The following PROC variants were observed in gnomAD, a reference collection of about 807,000 sequenced individuals.
The protein encoded by PROC is vitamin K-dependent protein C.
A neutral mutation model predicts 36.3 loss-of-function variants in PROC; 22 were observed. The observed-to-expected ratio is 0.61, with a 90% confidence interval of 0.43 to 0.86. The LOEUF (loss-of-function observed/expected upper bound fraction) is 0.86. Among genes scored for constraint, PROC ranks in the 40% least tolerant of loss-of-function variants. The probability of loss-of-function intolerance (pLI) is 0.00; values close to 1 mark genes in which losing one functional copy is unlikely to be tolerated. For synonymous variants in PROC, 218 were observed against 244.5 expected, an observed-to-expected ratio of 0.89 and a Z score of 1.01; for missense variants, 526 against 629.7, an observed-to-expected ratio of 0.84 and a Z score of 1.76.
Position 127,428,497 on chromosome 2 carries a change from C to T in PROC, c.937C>T (p.Gln313Ter). 6.2e-7 allele frequency: 1 copy of T among 1,614,148 alleles called. No individual in the cohort carries two copies. Among genetic ancestry groups the T allele is most frequent in the Non-Finnish European group, 8.5e-7 (1 of 1,180,048 alleles). ...CCTGGCCCAGCCCGCCACCCTCTCG[C>T]AGACCATAGTGCCCATCTGCCTCCC... Reference protein sequence around the residue: ...LHLAQPATLSQTIVPICLPDS... With the variant: ...LHLAQPATLS The change falls in exon 9 of 9, where the codon CAG becomes TAG. Residue 313 changes from glutamine to a stop codon, truncating the protein, a stop_gained. Transcript: ENST00000234071. LOFTEE classifies it low-confidence loss of function (END_TRUNC).
chr2:127,418,581 C>A lies in PROC; in HGVS notation c.-22+89C>A. The A allele has an allele frequency of 1.7e-6, 2 of 1,158,600 alleles. No homozygotes were observed. The highest frequency in any genetic ancestry group is 2.6e-5 in the South Asian group (2 of 78,190). 71.8% of individuals were successfully genotyped at this position (1,158,600 alleles called of 1,614,324 possible). A position where few individuals can be genotyped will look rare whatever the true frequency, so the allele number is the denominator to read the frequency against. ...AGCTAGGTGGTGATGAGGGCTGAAT[C>A]CTCCAGCCAGGGTGCTCAACAAGCC... On this transcript the variant is annotated intron_variant, in intron 1 of 8. Coordinates refer to ENST00000234071, the MANE Select transcript of PROC (RefSeq NM_000312.4). The surrounding 1 kb of genome is among the most constrained non-coding windows in gnomAD (Gnocchi z 4.8).
In PROC at chr2:127,423,341, C is replaced by G. The variant is rs201105510; in HGVS notation, c.468C>G (p.Gly156=). The stretch of plus-strand genomic sequence containing the variant: ...CGCATTACTGCCTAGAGGAGGTGGG[C>G]TGGCGGCGCTGTAGCTGTGCGCCTG... The part of the protein sequence containing the change: ...GCTHYCLEEV[G]WRRCSCAPGY... Residue 156 remains glycine, a synonymous_variant, in exon 6 of 9, where the codon GGC becomes GGG. Transcript: ENST00000234071. 1.1e-5 allele frequency: 17 copies of G among 1,550,316 alleles called. No individual in the cohort carries two copies. The African/African-American group carries it at 1.8e-4, about 16-fold the overall frequency.
Position 127,422,946 on chromosome 2 carries a change from G to A in PROC, c.262+5G>A, listed in dbSNP as rs543240365. ...CCTTCTGGTCCAAGCACGTCGGTGA[G>A]TGCGTTCTAGATCCCCGGCTGGACT... On this transcript the variant is annotated splice_donor_5th_base_variant and intron_variant, in intron 4 of 8. Coordinates refer to ENST00000234071, the MANE Select transcript of PROC (RefSeq NM_000312.4). The A allele has an allele frequency of 1.3e-6, 2 of 1,598,688 alleles. No individual in the cohort carries two copies. Among genetic ancestry groups the A allele is most frequent in the East Asian group, 2.3e-5 (1 of 43,638 alleles).
chr2:127,426,827 G>A lies in PROC; in HGVS notation c.679-278G>A, dbSNP rs1376416267. Among the ~76,000 whole-genome samples the A allele has an allele frequency of 3.9e-5, 6 of 152,214 alleles. No homozygotes were observed. In the East Asian group the frequency reaches 1.2e-3, roughly 29 times the overall value. On this transcript the variant is annotated intron_variant, in intron 7 of 8. Coordinates refer to ENST00000234071, the MANE Select transcript of PROC (RefSeq NM_000312.4). The surrounding 1 kb of genome is among the most constrained non-coding windows in gnomAD (Gnocchi z 7.0). Reference sequence around the variant, plus strand: ...CCTGGAAGACACAAGGCCTGGCCAAGCCTCTAAGGATGAGAGGAGCTCGCT... The same window carrying A: ...CCTGGAAGACACAAGGCCTGGCCAAACCTCTAAGGATGAGAGGAGCTCGCT...
chr2:127,425,019 C>T (rs771045435), intron 6 of PROC, among the ~76,000 whole-genome samples: 26 of 152,220 alleles, frequency 1.7e-4, no homozygotes, highest in East Asian at 1.9e-4. Context: ...CTTCCTGAAG[C>T]GGGGCCTGAA....
Position 127,426,958 on chromosome 2 carries a change from T to C in PROC, c.679-147T>C. On this transcript the variant is annotated intron_variant, in intron 7 of 8. Transcript: ENST00000234071. The surrounding 1 kb of genome is among the most constrained non-coding windows in gnomAD (Gnocchi z 7.0). ...CCTGGGACAGGCTGACACTGTAAAA[T>C]GGGCAAAAATAGAAAACGCCAGAAA... 7 of 766,208 alleles carry C rather than the reference T, an allele frequency of 9.1e-6. No homozygotes were observed. In the East Asian group the frequency reaches 9.9e-5, roughly 11 times the overall value. 47.5% of individuals were successfully genotyped at this position (766,208 alleles called of 1,614,324 possible). A position where few individuals can be genotyped will look rare whatever the true frequency, so the allele number is the denominator to read the frequency against.
intron 6 of PROC, among the ~76,000 whole-genome samples, chr2:127,424,985 T>A (rs1688389966): frequency 6.6e-6 from 1 of 152,208 alleles, no homozygotes. Flanking sequence ...CATGACTCCC[T>A]GTGGTCAGCT....
chr2:127,421,061 C>T (rs1688062126), intron 2 of PROC, among the ~76,000 whole-genome samples: 1 of 152,184 alleles, frequency 6.6e-6, no homozygotes, highest in Non-Finnish European at 1.5e-5. Flanking sequence ...GCCTGTCCAT[C>T]TCAGAGCAAG....
rs1558718572 is a variant in PROC, at chr2:127,428,802, G to A, written c.1242G>A (p.Trp414Ter). The A allele has an allele frequency of 6.2e-7, 1 of 1,612,322 alleles. No individual in the cohort carries two copies. The highest frequency in any genetic ancestry group is 8.5e-7 in the Non-Finnish European group (1 of 1,179,084). Reference sequence around the variant, plus strand: ...TGGTCGCCTCCTTCCACGGCACCTGGTTCCTGGTGGGCCTGGTGAGCTGGG... The same window carrying A: ...TGGTCGCCTCCTTCCACGGCACCTGATTCCTGGTGGGCCTGGTGAGCTGGG... ...GPMVASFHGT[W>*]FLVGLVSWGE... Residue 414 changes from tryptophan (W) to a stop codon, truncating the protein, a stop_gained, in exon 9 of 9, where the codon TGG (tryptophan) becomes TGA (stop). Coordinates refer to ENST00000234071, the MANE Select transcript of PROC (RefSeq NM_000312.4). LOFTEE classifies it low-confidence loss of function (END_TRUNC).
At chr2:127,419,523 C>T (rs530561842) in intron 1 of PROC, among the ~76,000 whole-genome samples, 8 of 152,204 alleles carry the variant, frequency 5.3e-5, no homozygotes, top group African/African-American at 7.2e-5. Flanking sequence ...GAATTTGCAC[C>T]GTGCAGTCTG....
intron 6 of PROC, 150 bp downstream of exon 6, chr2:127,423,558 C>A: frequency 9.5e-7 from 1 of 1,052,462 alleles, no homozygotes; most frequent in Non-Finnish European, 1.3e-6. Flanking sequence ...AGACGCGCCC[C>A]AACACCGGGG....
Position 127,428,672 on chromosome 2 carries a change from A to G in PROC, c.1112A>G (p.Asn371Ser), listed in dbSNP as rs1412515866. 1 of 1,613,984 alleles carries G rather than the reference A, an allele frequency of 6.2e-7. No individual in the cohort carries two copies. Residue 371 changes from asparagine to serine, a missense_variant, in exon 9 of 9, where the codon AAT becomes AGT. Transcript: ENST00000234071. ...NFIKIPVVPH[N>S]ECSEVMSNMV... ...ATCAAGATTCCCGTGGTCCCGCACAATGAGTGCAGCGAGGTCATGAGCAAC... is the reference window on the plus strand; with the variant it reads ...ATCAAGATTCCCGTGGTCCCGCACAGTGAGTGCAGCGAGGTCATGAGCAAC...
Position 127,428,951 on chromosome 2 carries a change from C to T in PROC, c.*5C>T, listed in dbSNP as rs766818039. Reference sequence around the variant, plus strand: ...CAGAAGAGCTGGGCACCTTAGCGACCCTCCCTGCAGGGCTGGGCTTTTGCA... The same window carrying T: ...CAGAAGAGCTGGGCACCTTAGCGACTCTCCCTGCAGGGCTGGGCTTTTGCA... On this transcript the variant is annotated 3_prime_UTR_variant, in exon 9 of 9. Transcript: ENST00000234071. The T allele has an allele frequency of 7.4e-5, 119 of 1,613,630 alleles. No homozygotes were observed. Among genetic ancestry groups the T allele is most frequent in the Admixed American group, 2.8e-4 (17 of 60,002 alleles).
chr2:127,427,532 G>A (rs987999623), intron 8 of PROC, among the ~76,000 whole-genome samples: 2 of 152,272 alleles, frequency 1.3e-5, no homozygotes, highest in Middle Eastern at 3.4e-3. Context: ...AGCAGGCTGT[G>A]TGGGCCTCAG....
chr2:127,428,178 G>A (rs867739596), intron 8 of PROC, among the ~76,000 whole-genome samples, 179 bp from the exon 9 acceptor site: 1 of 152,188 alleles, frequency 6.6e-6, no homozygotes, highest in Admixed American at 6.5e-5. Flanking sequence ...AGGGTTCCAC[G>A]GCATAGACAG....
chr2:127,426,849 C>T lies in PROC; in HGVS notation c.679-256C>T, dbSNP rs1443147593. On this transcript the variant is annotated intron_variant, in intron 7 of 8. Coordinates refer to ENST00000234071, the MANE Select transcript of PROC (RefSeq NM_000312.4). This position sits in a 1 kb window ranked among gnomAD's most constrained non-coding sequence, Gnocchi z 7.0. ...CAAGCCTCTAAGGATGAGAGGAGCT[C>T]GCTGGGCGATGTTGGGTGTGGCTGA... Among the ~76,000 whole-genome samples, 4 of 152,144 alleles carry T rather than the reference C, an allele frequency of 2.6e-5. No homozygotes were observed. Among genetic ancestry groups the T allele is most frequent in the Admixed American group, 1.3e-4 (2 of 15,278 alleles).
At chr2:127,419,855 C>A in intron 1 of PROC, 67 bp from the exon 2 acceptor site, 1 of 1,611,720 alleles carries the variant, frequency 6.2e-7, no homozygotes. Flanking sequence ...ATTCCGCTTC[C>A]ACCTGGGGGT....
intron 6 of PROC, among the ~76,000 whole-genome samples, chr2:127,425,549 C>T (rs959735081): frequency 2.0e-5 from 3 of 152,198 alleles, no homozygotes; most frequent in South Asian, 2.1e-4. Context: ...TTCCTTTCCT[C>T]TGTGAGGAGC....
In PROC at chr2:127,428,665, C is replaced by T. The variant is rs1443672925; in HGVS notation, c.1105C>T (p.Pro369Ser). The T allele has an allele frequency of 6.2e-7, 1 of 1,614,012 alleles. No individual in the cohort carries two copies. The highest frequency in any genetic ancestry group is 8.5e-7 in the Non-Finnish European group (1 of 1,180,048). Residue 369 changes from proline to serine, a missense_variant, in exon 9 of 9, where the codon CCG (proline) becomes TCG (serine). Physicochemically the swap from Pro to Ser is moderately conservative, Grantham distance 74. Transcript: ENST00000234071. The part of the protein sequence containing the change: ...VLNFIKIPVV[P>S]HNECSEVMSN... Reference sequence around the variant, plus strand: ...CAACTTCATCAAGATTCCCGTGGTCCCGCACAATGAGTGCAGCGAGGTCAT... The same window carrying T: ...CAACTTCATCAAGATTCCCGTGGTCTCGCACAATGAGTGCAGCGAGGTCAT...
Sources: allele counts gnomAD v4.1 joint callset (sites outside exome capture counted in the v4.1 genomes callset), GRCh38; gene constraint gnomAD v4.1.1; non-coding constraint Gnocchi (gnomAD v3.1); transcripts MANE v1.5; gene names NCBI Gene and HGNC (gene_info 2026-07-23, HGNC 2026-07-21).